CLASP1: variants seen among roughly 807,000 people sequenced by gnomAD.
CLASP1 encodes the protein CLIP-associating protein 1.
A neutral mutation model predicts 192.3 loss-of-function variants in CLASP1; 38 were observed. The ratio of observed to expected loss-of-function variants is 0.20; its 90% CI spans 0.15 to 0.26. CLASP1 has a LOEUF of 0.26. Ranked by LOEUF, CLASP1 falls within the 10% of genes least tolerant of loss-of-function variation. The pLI is 1.00. For missense variants in CLASP1, 1,433 were observed against 1,932.5 expected (o/e 0.74, Z 4.85); for synonymous variants, 691 against 712.8 (o/e 0.97, Z 0.49).
chr2:121,560,943 G>A (rs751303228), intron 2 of CLASP1, among the ~76,000 whole-genome samples: 1 of 152,122 alleles, frequency 6.6e-6, no homozygotes, highest in South Asian at 2.1e-4. Flanking sequence ...GTTTTGAGAC[G>A]GAGCCCAGGC....
intron 22 of CLASP1, among the ~76,000 whole-genome samples, chr2:121,422,353 C>T (rs1278940870): frequency 6.6e-6 from 1 of 152,116 alleles, no homozygotes; most frequent in Admixed American, 6.5e-5. Context: ...TTAATTATTT[C>T]AAAGTATTTT....
intron 7 of CLASP1, among the ~76,000 whole-genome samples, chr2:121,505,564 G>A (rs564759654): frequency 2.0e-5 from 3 of 152,248 alleles, no homozygotes; most frequent in East Asian, 3.9e-4. Flanking sequence ...CTAGCTCTGA[G>A]CACAAAAATA....
chr2:121,616,149 T>TA (rs1272577717), intron 1 of CLASP1, among the ~76,000 whole-genome samples: 10 of 151,980 alleles, frequency 6.6e-5, no homozygotes, highest in African/African-American at 1.7e-4. Flanking sequence ...ATAACCACAT[T>TA]AAAAAATCTC....
intron 15 of CLASP1, among the ~76,000 whole-genome samples, chr2:121,451,296 G>T (rs1312538743): frequency 6.6e-6 from 1 of 152,158 alleles, no homozygotes; most frequent in Admixed American, 6.5e-5. Context: ...TGCACTTATA[G>T]CTCAATCTTT....
Position 121,627,775 on chromosome 2 carries a change from C to T in CLASP1, c.-285-21595G>A, listed in dbSNP as rs1219699032. On this transcript the variant is annotated intron_variant, in intron 1 of 39. Transcript: ENST00000263710. The stretch of plus-strand genomic sequence containing the variant: ...TAAAGAAAGAGAACTGAAATGAGGG[C>T]TTTAGAGATTCATTTATTCATTGAC... 3.9e-5 allele frequency among the ~76,000 whole-genome samples: 6 copies of T among 152,278 alleles called. 1 individual carries two copies. The highest frequency in any genetic ancestry group is 1.4e-4 in the African/African-American group (6 of 41,558).
intron 8 of CLASP1, among the ~76,000 whole-genome samples, chr2:121,500,396 GA>G (rs1226640458): frequency 1.4e-4 from 12 of 87,350 alleles, no homozygotes; most frequent in South Asian, 7.9e-4. Context: ...AAGAAAGAAA[GA>G]AAAGAAAGAA....
intron 6 of CLASP1, among the ~76,000 whole-genome samples, chr2:121,523,649 C>T (rs1406268265): frequency 2.0e-5 from 3 of 152,230 alleles, no homozygotes; most frequent in Admixed American, 6.5e-5. Context: ...AAAATCTACA[C>T]CGAGTCCATG....
chr2:121,569,969 A>T (rs2059842223), intron 2 of CLASP1, among the ~76,000 whole-genome samples: 2 of 152,196 alleles, frequency 1.3e-5, no homozygotes, highest in Admixed American at 1.3e-4. Flanking sequence ...AGATTCTGCC[A>T]CTTACTACTG....
chr2:121,623,810 T>C (rs894782654), intron 1 of CLASP1, among the ~76,000 whole-genome samples: 1 of 152,200 alleles, frequency 6.6e-6, no homozygotes, highest in African/African-American at 2.4e-5. Context: ...ATCACATCAC[T>C]GCACTCCACC....
chr2:121,556,165 G>A (rs989745690), intron 2 of CLASP1, among the ~76,000 whole-genome samples: 1 of 151,582 alleles, frequency 6.6e-6, no homozygotes, highest in African/African-American at 2.4e-5. Flanking sequence ...CGTATTTTTT[G>A]TATAAAGATA....
exon 36 of CLASP1, chr2:121,365,200 G>T (rs771196049): frequency 3.7e-6 from 6 of 1,613,750 alleles, no homozygotes; most frequent in East Asian, 2.2e-5. Context: ...CTCCAGCAGG[G>T]CTCCCTTCCG....
intron 1 of CLASP1, among the ~76,000 whole-genome samples, chr2:121,638,605 A>C (rs1043629985): frequency 1.2e-4 from 19 of 152,190 alleles, no homozygotes; most frequent in African/African-American, 4.6e-4. Flanking sequence ...ATGGATAAAC[A>C]AAATGTGGTA....
intron 8 of CLASP1, among the ~76,000 whole-genome samples, chr2:121,493,819 C>A (rs1331309167): frequency 6.6e-6 from 1 of 151,976 alleles, no homozygotes; most frequent in Non-Finnish European, 1.5e-5. Flanking sequence ...AGAAGACACA[C>A]AAATGGCAAA....
Position 121,348,501 on chromosome 2 carries a change from C to T in CLASP1, c.4413+11G>A, listed in dbSNP as rs770451962. 1.6e-5 allele frequency: 26 copies of T among 1,599,196 alleles called. No individual in the cohort carries two copies. Among genetic ancestry groups the T allele is most frequent in the Admixed American group, 1.4e-4 (8 of 57,986 alleles). On this transcript the variant is annotated intron_variant, in intron 38 of 39. Coordinates refer to ENST00000263710, the Ensembl canonical transcript of CLASP1. ...AGGCCGGGGGCAGGCCCCACCAACA[C>T]GAGGGCCTACCTGCAGCAAGCCTGG...
chr2:121,547,147 C>T (rs1464073047), intron 2 of CLASP1, among the ~76,000 whole-genome samples: 1 of 152,214 alleles, frequency 6.6e-6, no homozygotes, highest in East Asian at 1.9e-4. Flanking sequence ...ATTCCCACAT[C>T]TCCTCATCGG....
chr2:121,560,804 A>G (rs2059012169), intron 2 of CLASP1, among the ~76,000 whole-genome samples: 1 of 152,174 alleles, frequency 6.6e-6, no homozygotes, highest in South Asian at 2.1e-4. Flanking sequence ...GCGCGATCTC[A>G]GCTCACCACA....
At chr2:121,547,730 G>C (rs1040687075) in intron 2 of CLASP1, among the ~76,000 whole-genome samples, 1 of 152,070 alleles carries the variant, frequency 6.6e-6, no homozygotes. Flanking sequence ...GAGGAAATAC[G>C]GGGGAGCCAC....
At chr2:121,638,645 TA>T (rs1219249324) in intron 1 of CLASP1, among the ~76,000 whole-genome samples, 1 of 148,858 alleles carries the variant, frequency 6.7e-6, no homozygotes. Context: ...TACTCAGCAA[TA>T]AAAAAAGAAT....
chr2:121,579,458 G>A (rs913266501), intron 2 of CLASP1, among the ~76,000 whole-genome samples: 3 of 152,128 alleles, frequency 2.0e-5, no homozygotes, highest in Non-Finnish European at 2.9e-5. Context: ...AAAAGAAACC[G>A]TTATCCATTA....
Sources: gnomAD v4.1 joint callset for allele counts (sites outside exome capture counted in the v4.1 genomes callset) on GRCh38, gnomAD v4.1.1 for gene constraint, MANE v1.5 for transcripts, NCBI Gene and HGNC (gene_info 2026-07-23, HGNC 2026-07-21) for gene names.